Variants in PLB1 observed in about 807,000 individuals in gnomAD.
PLB1 encodes the protein phospholipase B1.
PLB1 carries 242 observed loss-of-function variants against 227.4 expected under a neutral mutation model. The ratio of observed to expected loss-of-function variants is 1.06; its 90% CI spans 0.96 to 1.18. The LOEUF (loss-of-function observed/expected upper bound fraction) is 1.18. Ranked by LOEUF, PLB1 falls within the 50% of genes most tolerant of loss-of-function variation. PLB1 has a pLI of 0.00. For missense variants in PLB1, 1,858 were observed against 1,816.3 expected (o/e 1.02, Z -0.42); for synonymous variants, 757 against 682.2 (o/e 1.11, Z -1.71).
chr2:28,620,724 G>A, intron 48 of PLB1, 81 bp downstream of exon 48: 2 of 1,590,114 alleles, frequency 1.3e-6, no homozygotes, highest in Non-Finnish European at 1.7e-6. Context: ...GAGGGGAAGA[G>A]GAGGTTATCT....
intron 14 of PLB1, 117 bp from the exon 15 acceptor site, chr2:28,548,743 C>T (rs1340568945): frequency 8.5e-6 from 8 of 936,538 alleles, no homozygotes; most frequent in South Asian, 1.4e-5. Context: ...TGGACACGTG[C>T]ATTTCTAATG....
At chr2:28,520,422 G>C (rs563999333) in intron 4 of PLB1, among the ~76,000 whole-genome samples, 1 of 151,984 alleles carries the variant, frequency 6.6e-6, no homozygotes, top group Non-Finnish European at 1.5e-5. Context: ...AAAACACACC[G>C]ATCTTTGTAA....
rs1454235543 is a variant in PLB1, at chr2:28,630,748, A to G, written c.3897+84A>G. 3.3e-6 allele frequency: 4 copies of G among 1,200,592 alleles called. No homozygotes were observed. In the African/African-American group the frequency reaches 6.1e-5, roughly 18 times the overall value. The allele number at this position is 1,200,592 out of a possible 1,614,324, so 74.4% of individuals were successfully genotyped here. A position where few individuals can be genotyped will look rare whatever the true frequency, so the allele number is the denominator to read the frequency against. ...ACTGGGAAATCGAATGCCCAGCAGGATGTGGCCAAGAGCAAGCCACTCCCT... is the reference window on the plus strand; with the variant it reads ...ACTGGGAAATCGAATGCCCAGCAGGGTGTGGCCAAGAGCAAGCCACTCCCT... On this transcript the variant is annotated intron_variant, in intron 54 of 57. Coordinates refer to ENST00000327757, the MANE Select transcript of PLB1 (RefSeq NM_153021.5).
chr2:28,620,992 G>A lies in PLB1; in HGVS notation c.3527+14G>A, dbSNP rs369643568. The A allele has an allele frequency of 1.4e-4, 230 of 1,591,114 alleles. 1 individual carries two copies. Among genetic ancestry groups the A allele is most frequent in the South Asian group, 9.9e-4 (88 of 88,792 alleles). On this transcript the variant is annotated intron_variant, in intron 49 of 57. Transcript: ENST00000327757. ...GGCCAGAGCTAGGTGAGTAGATGCC[G>A]TACAGGAGGGCGAGTGGAAGGCAAG...
At chr2:28,618,302 C>T in intron 45 of PLB1, 39 bp from the exon 46 acceptor site, 1 of 1,591,642 alleles carries the variant, frequency 6.3e-7, no homozygotes, top group Non-Finnish European at 8.6e-7. Context: ...GGTAGATACC[C>T]CCAGCCCCCA....
intron 35 of PLB1, among the ~76,000 whole-genome samples, chr2:28,599,458 A>C (rs2148296654): frequency 1.3e-5 from 2 of 152,280 alleles, no homozygotes; most frequent in Middle Eastern, 3.4e-3. Context: ...CAGCCTGGAA[A>C]GACTCTTGGT....
chr2:28,518,023 G>A (rs536090503), intron 2 of PLB1, among the ~76,000 whole-genome samples: 3 of 152,082 alleles, frequency 2.0e-5, no homozygotes, highest in African/African-American at 4.8e-5. Flanking sequence ...ACAGGCACAC[G>A]CCACCACTAA....
intron 43 of PLB1, among the ~76,000 whole-genome samples, chr2:28,608,516 G>A (rs531445838): frequency 6.6e-5 from 10 of 152,336 alleles, no homozygotes; most frequent in Non-Finnish European, 1.3e-4. Context: ...CATACGTTCT[G>A]TGTGCCAGGT....
In PLB1 at chr2:28,601,288, G is replaced by C; in HGVS notation, c.2563G>C (p.Val855Leu). The C allele has an allele frequency of 6.2e-7, 1 of 1,614,110 alleles. No homozygotes were observed. The highest frequency in any genetic ancestry group is 1.1e-5 in the South Asian group (1 of 91,080). The change falls in exon 37 of 58, where the codon GTG (valine) becomes CTG (leucine). Residue 855 changes from valine to leucine, a missense_variant. By Grantham distance (32) the Val-to-Leu change is conservative. Coordinates refer to ENST00000327757, the MANE Select transcript of PLB1 (RefSeq NM_153021.5). ...NFHEDWKVIT[V>L]LIGGSDLCDY... ...CCATGAAGACTGGAAGGTCATCACA[G>C]TGCTGATCGGAGGCAGCGATTTATG...
At chr2:28,640,250 C>T (rs954699887) in intron 56 of PLB1, among the ~76,000 whole-genome samples, 2 of 152,188 alleles carry the variant, frequency 1.3e-5, no homozygotes, top group Non-Finnish European at 2.9e-5. Flanking sequence ...CAGTGCTGGC[C>T]ACAGGTTGGG....
chr2:28,554,586 T>C (rs184482231), intron 17 of PLB1, among the ~76,000 whole-genome samples: 11 of 147,848 alleles, frequency 7.4e-5, no homozygotes, highest in Non-Finnish European at 8.9e-5. Flanking sequence ...CCTCCAGCGC[T>C]GGGATTACAG....
chr2:28,555,122 T>C (rs942785931), intron 17 of PLB1, among the ~76,000 whole-genome samples: 4 of 149,546 alleles, frequency 2.7e-5, no homozygotes, highest in Non-Finnish European at 5.9e-5. Context: ...AAAATACATT[T>C]CATTATTGTG....
At chr2:28,523,222 C>T (rs199628967) in intron 4 of PLB1, among the ~76,000 whole-genome samples, 1 of 119,934 alleles carries the variant, frequency 8.3e-6, no homozygotes, top group Non-Finnish European at 1.9e-5. Context: ...CAAACATACA[C>T]ACGTGCACAC....
At chr2:28,617,985 C>T (rs906626767) in intron 45 of PLB1, among the ~76,000 whole-genome samples, 198 bp downstream of exon 45, 6 of 152,214 alleles carry the variant, frequency 3.9e-5, no homozygotes, top group Non-Finnish European at 7.3e-5. Context: ...GATGCTACTT[C>T]TTGTCTCCTT....
chr2:28,544,024 A>G (rs1672870884), intron 14 of PLB1, among the ~76,000 whole-genome samples: 1 of 152,244 alleles, frequency 6.6e-6, no homozygotes, highest in African/African-American at 2.4e-5. Context: ...CCTTATTTTT[A>G]GAATTCTAGT....
intron 45 of PLB1, 133 bp downstream of exon 45, chr2:28,617,920 G>A: frequency 1.1e-6 from 1 of 872,808 alleles, no homozygotes. Context: ...CCTAGATCCT[G>A]CGGCCTGCCG....
Position 28,632,933 on chromosome 2 carries a change from G to C in PLB1, c.4003-11G>C. 2 of 1,607,984 alleles carry C rather than the reference G, an allele frequency of 1.2e-6. No individual in the cohort carries two copies. The highest frequency in any genetic ancestry group is 1.1e-5 in the South Asian group (1 of 90,964). The stretch of plus-strand genomic sequence containing the variant: ...TTCCCAGGATGATAACCTCCTTGCC[G>C]TTGGTTGCAGAGAGGGGACACTGAC... On this transcript the variant is annotated splice_polypyrimidine_tract_variant and intron_variant, in intron 55 of 57. Coordinates refer to ENST00000327757, the MANE Select transcript of PLB1 (RefSeq NM_153021.5).
chr2:28,552,807 A>T, intron 16 of PLB1, 121 bp from the exon 17 acceptor site: 1 of 778,466 alleles, frequency 1.3e-6, no homozygotes, highest in Non-Finnish European at 2.2e-6. Flanking sequence ...GAGAAATCTT[A>T]AATGACATCA....
At chr2:28,541,284 A>G (rs1672449113) in intron 12 of PLB1, among the ~76,000 whole-genome samples, 1 of 152,224 alleles carries the variant, frequency 6.6e-6, no homozygotes, top group Non-Finnish European at 1.5e-5. Context: ...GCATGTGTTA[A>G]CATGATGACT....
Sources: gnomAD v4.1 joint callset for allele counts (sites outside exome capture counted in the v4.1 genomes callset) on GRCh38, gnomAD v4.1.1 for gene constraint, MANE v1.5 for transcripts, NCBI Gene and HGNC (gene_info 2026-07-23, HGNC 2026-07-21) for gene names.